Variants in SNAP29 observed in about 807,000 individuals in gnomAD.
The protein encoded by SNAP29 is synaptosomal-associated protein 29.
In SNAP29, 13 loss-of-function variants were observed where a neutral mutation model predicts 27.9. That is an observed-to-expected ratio of 0.47 (90% CI 0.30 to 0.74). The LOEUF (loss-of-function observed/expected upper bound fraction) is 0.74, where lower values mean the gene tolerates loss of function less well. SNAP29 is among the 30% of genes least tolerant of loss of function. The pLI, the probability that SNAP29 is intolerant of heterozygous loss-of-function variation, is 0.06. For missense variants in SNAP29, 368 were observed against 336.5 expected (o/e 1.09, Z -0.73); for synonymous variants, 119 against 127.1 (o/e 0.94, Z 0.43).
At position 20,887,847 on chromosome 22, in the gene SNAP29, AT is replaced by A; in HGVS notation, c.*14del. ...GTTCGACAACTCTGAAGACAGACGG[AT>A]TTCCACTCTATTGTGATGAAAAGAT... On this transcript the variant is annotated 3_prime_UTR_variant, in exon 5 of 5. Transcript: ENST00000215730. 1 of 1,612,822 alleles carries A rather than the reference AT, an allele frequency of 6.2e-7. No individual in the cohort carries two copies. The highest frequency in any genetic ancestry group is 8.5e-7 in the Non-Finnish European group (1 of 1,178,868).
chr22:20,879,470 T>C (rs1407535657), intron 2 of SNAP29, among the ~76,000 whole-genome samples: 1 of 144,890 alleles, frequency 6.9e-6, no homozygotes, highest in Non-Finnish European at 1.5e-5. Flanking sequence ...ACCCGGGAGA[T>C]GGAGGTTGCA....
intron 2 of SNAP29, among the ~76,000 whole-genome samples, chr22:20,879,115 G>A (rs965260227): frequency 1.3e-5 from 2 of 152,116 alleles, no homozygotes; most frequent in Middle Eastern, 3.4e-3. Flanking sequence ...AGACCATTCC[G>A]GCTAACACGG....
intron 2 of SNAP29, 24 bp from the exon 3 acceptor site, chr22:20,881,025 T>G (rs1928878122): frequency 6.6e-7 from 1 of 1,513,208 alleles, no homozygotes; most frequent in East Asian, 2.3e-5. Context: ...AAACGTTTTC[T>G]TTTTTGTGAA....
chr22:20,883,706 C>T, intron 4 of SNAP29, 137 bp downstream of exon 4: 9 of 717,776 alleles, frequency 1.3e-5, no homozygotes, highest in South Asian at 1.2e-4. Context: ...CTGGGTCCAT[C>T]TTGCCACCTC....
At chr22:20,870,996 G>C in intron 2 of SNAP29, 1 of 283,300 alleles carries the variant, frequency 3.5e-6, no homozygotes, top group Admixed American at 4.9e-5. Flanking sequence ...AGGCATTGTG[G>C]TGCACACCTG....
At chr22:20,881,001 G>A (rs2147871070) in intron 2 of SNAP29, 48 bp from the exon 3 acceptor site, 1 of 1,186,424 alleles carries the variant, frequency 8.4e-7, no homozygotes, top group Non-Finnish European at 1.3e-6. Context: ...TTGTCATAGG[G>A]GTTTTTCCTT....
At position 20,888,068 on chromosome 22, in the gene SNAP29, T is replaced by TA; in HGVS notation, c.*232_*233insA. The TA allele has an allele frequency of 3.8e-6, 2 of 532,618 alleles. No individual in the cohort carries two copies. The allele number at this position is 532,618 out of a possible 1,614,324, so 33.0% of individuals were successfully genotyped here. ...AGCAAAATGCTTATTAGAGTTTTTG[T>TA]CTGAGCACAGTAGCCTGGCCCTGCA... On this transcript the variant is annotated 3_prime_UTR_variant, in exon 5 of 5. Coordinates refer to ENST00000215730, the MANE Select transcript of SNAP29 (RefSeq NM_004782.4).
chr22:20,862,102 C>G lies in SNAP29; in HGVS notation c.237+2755C>G, dbSNP rs553632604. 2.6e-5 allele frequency among the ~76,000 whole-genome samples: 4 copies of G among 152,278 alleles called. No homozygotes were observed. The South Asian group carries it at 8.3e-4, about 32-fold the overall frequency. ...TGTTAGGGAGGTTTTGCCTGTAGTT[C>G]TTACATCTCATACCTACTGGATTCC... On this transcript the variant is annotated intron_variant, in intron 1 of 4. Coordinates refer to ENST00000215730, the MANE Select transcript of SNAP29 (RefSeq NM_004782.4).
intron 2 of SNAP29, among the ~76,000 whole-genome samples, chr22:20,874,341 AAAATTAGC>A (rs1443890778): frequency 1.3e-4 from 16 of 126,548 alleles, no homozygotes; most frequent in African/African-American, 4.9e-4. Context: ...CACACACACG[AAAATTAGC>A]CACACACACA....
chr22:20,886,112 C>CCTT (rs1929009344), intron 4 of SNAP29, among the ~76,000 whole-genome samples: 11 of 145,790 alleles, frequency 7.5e-5, no homozygotes, highest in Middle Eastern at 3.5e-3. Context: ...GAAGACTTAT[C>CCTT]TTTTTTTTTT....
In SNAP29 at chr22:20,887,664, TTCC is replaced by T. The variant is rs778793081; in HGVS notation, c.620-7_620-5del. On this transcript the variant is annotated splice_polypyrimidine_tract_variant and intron_variant, in intron 4 of 4. Coordinates refer to ENST00000215730, the MANE Select transcript of SNAP29 (RefSeq NM_004782.4). ...CTGTTTGCTCATGCCTGCGTGTCAT[TTCC>T]TCCTCCTGCAGATGAGCTGTCCATG... is the stretch of plus-strand genomic sequence containing the variant. The T allele has an allele frequency of 1.2e-6, 2 of 1,614,168 alleles. No homozygotes were observed. The highest frequency in any genetic ancestry group is 8.5e-7 in the Non-Finnish European group (1 of 1,180,012).
At chr22:20,882,750 ATTAAC>A (rs1208794546) in intron 3 of SNAP29, among the ~76,000 whole-genome samples, 3 of 152,204 alleles carry the variant, frequency 2.0e-5, no homozygotes, top group East Asian at 1.9e-4. Context: ...TGCAGTATAT[ATTAAC>A]TTAAAAGACT....
At chr22:20,865,381 A>T (rs983089816) in intron 1 of SNAP29, among the ~76,000 whole-genome samples, 3 of 151,722 alleles carry the variant, frequency 2.0e-5, no homozygotes, top group African/African-American at 7.3e-5. Context: ...TAGACCATTG[A>T]TCCCAGGCCA....
intron 2 of SNAP29, among the ~76,000 whole-genome samples, chr22:20,876,663 G>A (rs954248307): frequency 8.7e-5 from 13 of 148,976 alleles, no homozygotes; most frequent in African/African-American, 1.2e-4. Context: ...CGTCTCCCAC[G>A]TTCACGCCAT....
chr22:20,859,549 C>G (rs1928178819), intron 1 of SNAP29: 2 of 596,838 alleles, frequency 3.4e-6, no homozygotes, highest in Non-Finnish European at 6.0e-6. Context: ...GCAGTTTACC[C>G]CAGAAATCTT....
chr22:20,864,923 C>T (rs1018389669), intron 1 of SNAP29, among the ~76,000 whole-genome samples: 2 of 152,240 alleles, frequency 1.3e-5, no homozygotes, highest in African/African-American at 4.8e-5. Context: ...CCAGAAAATG[C>T]ATCCCAACAC....
At chr22:20,862,852 C>G (rs1055237599) in intron 1 of SNAP29, among the ~76,000 whole-genome samples, 6 of 152,158 alleles carry the variant, frequency 3.9e-5, no homozygotes, top group African/African-American at 1.4e-4. Flanking sequence ...CCACCACACC[C>G]AGTGTTCTCC....
intron 2 of SNAP29, among the ~76,000 whole-genome samples, chr22:20,874,574 C>CAA (rs758177794): frequency 0.012 from 1,141 of 98,350 alleles, 14 homozygotes; most frequent in African/African-American, 0.037. Context: ...GACCCTATCT[C>CAA]AAAAAAAAAA....
chr22:20,882,998 CTT>C (rs71731122), intron 3 of SNAP29, among the ~76,000 whole-genome samples: 17 of 135,964 alleles, frequency 1.3e-4, no homozygotes, highest in Admixed American at 1.5e-4. Context: ...TTTAACATTT[CTT>C]TTTTTTTTTT....
Sources: allele counts gnomAD v4.1 joint callset (sites outside exome capture counted in the v4.1 genomes callset), GRCh38; gene constraint gnomAD v4.1.1; transcripts MANE v1.5; gene names NCBI Gene and HGNC (gene_info 2026-07-23, HGNC 2026-07-21).